The following NOL4L variants were observed in gnomAD, a reference collection of about 807,000 sequenced individuals.
The protein encoded by NOL4L is nucleolar protein 4-like.
NOL4L carries 7 observed loss-of-function variants against 64.5 expected under a neutral mutation model. The ratio of observed to expected loss-of-function variants is 0.11; its 90% confidence interval spans 0.06 to 0.20. The LOEUF is 0.20. Ranked by LOEUF, NOL4L falls within the 10% of genes least tolerant of loss-of-function variation. NOL4L has a pLI of 1.00. For synonymous variants in NOL4L, 413 were observed against 401.0 expected, an observed-to-expected ratio of 1.03 and a Z score of -0.36; for missense variants, 680 against 967.1, an observed-to-expected ratio of 0.70 and a Z score of 3.94.
At chr20:32,479,802 G>T (rs1393647724) in intron 4 of NOL4L, among the ~76,000 whole-genome samples, 1 of 152,236 alleles carries the variant, frequency 6.6e-6, no homozygotes, top group Non-Finnish European at 1.5e-5. Context: ...TAAGAGTTAG[G>T]CAGGCAGATG....
chr20:32,526,371 C>T lies in NOL4L; in HGVS notation c.477+1387G>A, dbSNP rs149874427. Among the ~76,000 whole-genome samples, 13 of 152,184 alleles carry T rather than the reference C, an allele frequency of 8.5e-5. No individual in the cohort carries two copies. In the East Asian group the frequency reaches 2.5e-3, roughly 29 times the overall value. On this transcript the variant is annotated intron_variant, in intron 2 of 10. Coordinates refer to ENST00000621426, the MANE Select transcript of NOL4L (RefSeq NM_001256798.2). ...CCGAGAAGCAGGAGGGGCGGGGAGA[C>T]CATCACCATCTCCTGCCTTCCTGGG...
rs1030173384 is a variant in NOL4L at position 32,444,968 on chromosome 20, C to T, written c.*2628G>A. 3 of 148,838 alleles carry T rather than the reference C, an allele frequency of 2.0e-5. No homozygotes were observed. The highest frequency in any genetic ancestry group is 7.5e-5 in the African/African-American group (3 of 39,934). 9.2% of individuals were successfully genotyped at this position (148,838 alleles called of 1,614,324 possible). ...TTAAAACAAAAGCAAAACAAGTTCC[C>T]TGACTGAGCCAGCTAAATGGAATCC... On this transcript the variant is annotated 3_prime_UTR_variant, in exon 11 of 11. Transcript: ENST00000621426.
chr20:32,448,611 G>A (rs1360156037), intron 10 of NOL4L, among the ~76,000 whole-genome samples: 2 of 152,184 alleles, frequency 1.3e-5, no homozygotes, highest in Non-Finnish European at 2.9e-5. Flanking sequence ...TGAGGTGGAG[G>A]GTTCATGCTG....
intron 4 of NOL4L, among the ~76,000 whole-genome samples, chr20:32,494,251 G>C (rs1376234327): frequency 5.6e-5 from 2 of 35,874 alleles, no homozygotes; most frequent in African/African-American, 1.5e-4. Context: ...AGATAATCTC[G>C]GGAAAAAAAA....
At chr20:32,496,881 G>T (rs1191146026) in intron 4 of NOL4L, among the ~76,000 whole-genome samples, 1 of 151,988 alleles carries the variant, frequency 6.6e-6, no homozygotes, top group Non-Finnish European at 1.5e-5. Context: ...ACATAATGCT[G>T]TGTTGCAGGG....
intron 5 of NOL4L, among the ~76,000 whole-genome samples, chr20:32,467,514 G>A (rs1366128150): frequency 6.6e-6 from 1 of 152,196 alleles, no homozygotes; most frequent in African/African-American, 2.4e-5. Context: ...GAGGTAAGCT[G>A]CAGTCAGGGT....
At chr20:32,483,548 C>T in intron 4 of NOL4L, 1 of 976,990 alleles carries the variant, frequency 1.0e-6, no homozygotes, top group Non-Finnish European at 1.2e-6. Flanking sequence ...AGGAGGAGGG[C>T]CCAGGCGAGC....
At chr20:32,447,914 C>T in intron 10 of NOL4L, 98 bp from the exon 11 acceptor site, 2 of 1,433,890 alleles carry the variant, frequency 1.4e-6, no homozygotes, top group Middle Eastern at 2.7e-4. Flanking sequence ...TGGCCTAGTG[C>T]CCACTGTGAG....
At chr20:32,480,983 C>T (rs1018129066) in intron 4 of NOL4L, among the ~76,000 whole-genome samples, 6 of 152,240 alleles carry the variant, frequency 3.9e-5, no homozygotes, top group African/African-American at 1.4e-4. Flanking sequence ...ACCAGCTCTT[C>T]TGGGAAATAT....
rs1365301655 is a variant in NOL4L at position 32,584,873 on chromosome 20, C to T, written c.18G>A (p.Leu6=). 7.5e-7 allele frequency: 1 copy of T among 1,340,440 alleles called. No individual in the cohort carries two copies. The highest frequency in any genetic ancestry group is 9.6e-7 in the Non-Finnish European group (1 of 1,039,102). The allele number at this position is 1,340,440 out of a possible 1,614,324, so 83.0% of individuals were successfully genotyped here. A position where few individuals can be genotyped will look rare whatever the true frequency, so the allele number is the denominator to read the frequency against. The change falls in exon 1 of 11, where the codon CTG becomes CTA. Residue 6 remains leucine (L), a synonymous_variant. Coordinates refer to ENST00000621426, the MANE Select transcript of NOL4L (RefSeq NM_001256798.2). ...CGCGCTCCCAGCCCCCGCGCAGCAG[C>T]AGCGTCGGCTTCGGCATCCTCCCGC... The part of the protein sequence containing the change: MPKPT[L]LLRGGWERER...
In NOL4L at chr20:32,478,281, T is replaced by A. The variant is rs879867039; in HGVS notation, c.700-3539A>T. Reference sequence around the variant, plus strand: ...CACACACACACACACACACTCTCTCTCTCTCTCTCTCATGCATGCTCACTT... The same window carrying A: ...CACACACACACACACACACTCTCTCACTCTCTCTCTCATGCATGCTCACTT... On this transcript the variant is annotated intron_variant, in intron 4 of 10. Coordinates refer to ENST00000621426, the MANE Select transcript of NOL4L (RefSeq NM_001256798.2). 3.3e-3 allele frequency among the ~76,000 whole-genome samples: 448 copies of A among 135,790 alleles called. 4 individuals carry two copies. Among genetic ancestry groups the A allele is most frequent in the East Asian group, 0.024 (120 of 4,986 alleles). The allele number at this position is 135,790 out of a possible 152,430, so 89.1% of individuals were successfully genotyped here. A position where few individuals can be genotyped will look rare whatever the true frequency, so the allele number is the denominator to read the frequency against.
Position 32,484,684 on chromosome 20 carries a change from G to C in NOL4L, c.700-9942C>G, listed in dbSNP as rs1301492785. On this transcript the variant is annotated intron_variant, in intron 4 of 10. Transcript: ENST00000621426. Reference sequence around the variant, plus strand: ...AGTTGTAAAGTAATAGGATAATCTCGGGGACGTCGCTCCAGCCCAGACCCG... The same window carrying C: ...AGTTGTAAAGTAATAGGATAATCTCCGGGACGTCGCTCCAGCCCAGACCCG... 2.0e-5 allele frequency among the ~76,000 whole-genome samples: 3 copies of C among 152,208 alleles called. No homozygotes were observed. In the South Asian group the frequency reaches 6.2e-4, roughly 32 times the overall value.
chr20:32,517,820 C>T (rs2017741126), intron 3 of NOL4L, among the ~76,000 whole-genome samples: 1 of 152,220 alleles, frequency 6.6e-6, no homozygotes, highest in African/African-American at 2.4e-5. Context: ...CCACAATAGG[C>T]TCACCCTCAC....
rs143332098 is a variant in NOL4L, at chr20:32,564,673, T to G, written c.321+19897A>C. ...CCCTCTTTGTGCCTCAGTTTCTTCA[T>G]CTGTAAAATGGGCTAGGAATCTCCG... is the stretch of plus-strand genomic sequence containing the variant. On this transcript the variant is annotated intron_variant, in intron 1 of 10. Coordinates refer to ENST00000621426, the MANE Select transcript of NOL4L (RefSeq NM_001256798.2). Among the ~76,000 whole-genome samples, 492 of 152,334 alleles carry G rather than the reference T, an allele frequency of 3.2e-3. 4 individuals are homozygous for G. The highest frequency in any genetic ancestry group is 0.01 in the African/African-American group (428 of 41,578).
rs528570814 is a variant in NOL4L, at chr20:32,576,490, A to C, written c.321+8080T>G. Among the ~76,000 whole-genome samples, 67 of 152,282 alleles carry C rather than the reference A, an allele frequency of 4.4e-4. 1 individual carries two copies. The highest frequency in any genetic ancestry group is 8.1e-4 in the Non-Finnish European group (55 of 68,004). On this transcript the variant is annotated intron_variant, in intron 1 of 10. Coordinates refer to ENST00000621426, the MANE Select transcript of NOL4L (RefSeq NM_001256798.2). ...TACAGGAAGGGCAGCGAGGAAGTGA[A>C]TAAATGAATGACCTGGGCTTGGGAA...
intron 4 of NOL4L, among the ~76,000 whole-genome samples, chr20:32,490,347 T>TG (rs1316418861): frequency 1.3e-5 from 2 of 151,784 alleles, no homozygotes; most frequent in African/African-American, 4.8e-5. Flanking sequence ...CCTGGGGGAC[T>TG]GGGGGGTGAG....
Position 32,452,448 on chromosome 20 carries a change from G to GA in NOL4L, c.1621-12dup. On this transcript the variant is annotated splice_polypyrimidine_tract_variant and intron_variant, in intron 9 of 10. Transcript: ENST00000621426. ...GGCTATGGGCTCATCCTGCAGAGGG[G>GA]AGAGGGGGGCGCTGGGGAAACCAAG... is the stretch of plus-strand genomic sequence containing the variant. 4 of 1,564,714 alleles carry GA rather than the reference G, an allele frequency of 2.6e-6. No homozygotes were observed. The highest frequency in any genetic ancestry group is 3.5e-6 in the Non-Finnish European group (4 of 1,154,594).
intron 1 of NOL4L, among the ~76,000 whole-genome samples, chr20:32,581,002 T>C (rs865937963): frequency 7.9e-5 from 12 of 152,076 alleles, no homozygotes; most frequent in African/African-American, 2.7e-4. Flanking sequence ...GGGGTTTGCT[T>C]CCCCCGCTTG....
At position 32,452,344 on chromosome 20, in the gene NOL4L, C is replaced by CCTGGGAGTAGGAGGAGGCTGG. The variant is rs753001958; in HGVS notation, c.1693_1713dup (p.Pro565_Gln571dup). On this transcript the variant is annotated inframe_insertion, in exon 10 of 11. Transcript: ENST00000621426. ...AGGCCGCCGTTGGCGTACACAGGGTCCTGGGAGTAGGAGGAGGCTGGCAGT... is the reference window on the plus strand; with the variant it reads ...AGGCCGCCGTTGGCGTACACAGGGTCCTGGGAGTAGGAGGAGGCTGGCTGGGAGTAGGAGGAGGCTGGCAGT... 2.1e-4 allele frequency: 339 copies of CCTGGGAGTAGGAGGAGGCTGG among 1,612,006 alleles called. No individual in the cohort carries two copies. Among genetic ancestry groups the CCTGGGAGTAGGAGGAGGCTGG allele is most frequent in the Non-Finnish European group, 2.8e-4 (329 of 1,179,000 alleles).
Sources: gnomAD v4.1 joint callset for allele counts (sites outside exome capture counted in the v4.1 genomes callset) on GRCh38, gnomAD v4.1.1 for gene constraint, MANE v1.5 for transcripts, NCBI Gene and HGNC (gene_info 2026-07-23, HGNC 2026-07-21) for gene names.